Variants in PUM1 observed in about 807,000 individuals in gnomAD.
The protein encoded by PUM1 is pumilio RNA binding family member 1.
In PUM1, 13 loss-of-function variants were observed where a neutral mutation model predicts 131.8. The ratio of observed to expected loss-of-function variants is 0.10; its 90% CI spans 0.06 to 0.16. The LOEUF (loss-of-function observed/expected upper bound fraction) is 0.16. PUM1 is among the 10% of genes least tolerant of loss of function. The pLI, the probability that PUM1 is intolerant of heterozygous loss-of-function variation, is 1.00. For synonymous variants in PUM1, 509 were observed against 556.5 expected (o/e 0.91, Z 1.20); for missense variants, 961 against 1,512.4 (o/e 0.64, Z 6.05).
At chr1:31,001,116 G>A (rs1385245104) in intron 5 of PUM1, among the ~76,000 whole-genome samples, 3 of 152,124 alleles carry the variant, frequency 2.0e-5, no homozygotes, top group Admixed American at 6.5e-5. Context: ...CCCGGGAGGC[G>A]GAGCTTGCAG....
intron 21 of PUM1, chr1:30,935,853 C>T (rs957491869): frequency 4.4e-5 from 15 of 342,618 alleles, no homozygotes; most frequent in Non-Finnish European, 7.3e-5. Context: ...TGAGAAGCAC[C>T]GGAGGCTGGA....
intron 2 of PUM1, among the ~76,000 whole-genome samples, chr1:31,057,536 C>T (rs1165390650): frequency 6.6e-6 from 1 of 151,402 alleles, no homozygotes; most frequent in Non-Finnish European, 1.5e-5. Flanking sequence ...ACCAGCCCGG[C>T]CAACATGGTG....
In PUM1 at chr1:31,050,447, G is replaced by A. The variant is rs561457354; in HGVS notation, c.363+8757C>T. On this transcript the variant is annotated intron_variant, in intron 2 of 21. Coordinates refer to ENST00000426105, the MANE Select transcript of PUM1 (RefSeq NM_001020658.2). ...TTCAGTGAGCCTAGATAGTGCCAGT[G>A]GGTGACAAAGTGAGACTCTGTCTCA... Among the ~76,000 whole-genome samples the A allele has an allele frequency of 8.3e-4, 126 of 151,718 alleles. 2 individuals carry two copies. The highest frequency in any genetic ancestry group is 8.4e-4 in the South Asian group (4 of 4,784).
At chr1:31,051,813 A>C (rs1644116295) in intron 2 of PUM1, among the ~76,000 whole-genome samples, 1 of 152,054 alleles carries the variant, frequency 6.6e-6, no homozygotes, top group South Asian at 2.1e-4. Flanking sequence ...AGTTCAACCA[A>C]TCGACTTTAA....
intron 14 of PUM1, among the ~76,000 whole-genome samples, chr1:30,957,400 C>T (rs1570129121): frequency 2.0e-5 from 3 of 152,056 alleles, no homozygotes; most frequent in Non-Finnish European, 2.9e-5. Context: ...ATGTGCTTTC[C>T]GATTCACAAT....
chr1:30,983,558 C>CAGTA (rs1441758641), intron 7 of PUM1, among the ~76,000 whole-genome samples: 1 of 152,092 alleles, frequency 6.6e-6, no homozygotes, highest in African/African-American at 2.4e-5. Flanking sequence ...TAACCAAAAA[C>CAGTA]AGTAGTCCAC....
chr1:30,953,902 G>A lies in PUM1; in HGVS notation c.2403C>T (p.Ala801=). 6.2e-7 allele frequency: 1 copy of A among 1,614,226 alleles called. No individual in the cohort carries two copies. The highest frequency in any genetic ancestry group is 8.5e-7 in the Non-Finnish European group (1 of 1,180,042). ...AEAKYRSASS[A]SSLFSPSSTL... ...TGCTGCTCGGGCTGAAGAGGCTGGAGGCGCTGCTTGCACTGCGGTACTTGG... is the reference window on the plus strand; with the variant it reads ...TGCTGCTCGGGCTGAAGAGGCTGGAAGCGCTGCTTGCACTGCGGTACTTGG... Residue 801 remains alanine (A), a synonymous_variant, in exon 15 of 22, where the codon GCC becomes GCT. Transcript: ENST00000426105.
At chr1:30,945,208 TG>T (rs1413109353) in intron 18 of PUM1, 137 bp downstream of exon 18, 1 of 974,706 alleles carries the variant, frequency 1.0e-6, no homozygotes, top group Non-Finnish European at 1.5e-6. Flanking sequence ...CACTCCAGCC[TG>T]GGCAACAGAG....
intron 13 of PUM1, among the ~76,000 whole-genome samples, chr1:30,965,582 C>T (rs1414435420): frequency 6.6e-6 from 1 of 152,196 alleles, no homozygotes; most frequent in Non-Finnish European, 1.5e-5. Flanking sequence ...CTGAAGAAAA[C>T]TTGTAACTCT....
chr1:30,933,716 C>G (rs553202392), intron 21 of PUM1, among the ~76,000 whole-genome samples: 84 of 152,330 alleles, frequency 5.5e-4, no homozygotes, highest in African/African-American at 1.8e-3. Context: ...TCCCTGCAAG[C>G]ATGAGCACAG....
intron 3 of PUM1, among the ~76,000 whole-genome samples, chr1:31,021,219 T>C (rs1183623226): frequency 1.3e-5 from 2 of 152,222 alleles, no homozygotes; most frequent in Admixed American, 6.5e-5. Context: ...AGCTAATGAA[T>C]AGCTTTTAAA....
intron 2 of PUM1, among the ~76,000 whole-genome samples, chr1:31,037,618 G>A (rs1643654835): frequency 6.6e-6 from 1 of 152,074 alleles, no homozygotes; most frequent in African/African-American, 2.4e-5. Flanking sequence ...TACTCAGCAG[G>A]CTGAGGCAGG....
intron 21 of PUM1, among the ~76,000 whole-genome samples, chr1:30,933,572 A>C (rs1639069782): frequency 6.6e-6 from 1 of 151,868 alleles, no homozygotes; most frequent in Admixed American, 6.6e-5. Flanking sequence ...AGGAGCTCCT[A>C]CCCTGAGTGG....
At chr1:30,955,980 G>T (rs562684107) in intron 14 of PUM1, among the ~76,000 whole-genome samples, 4 of 152,328 alleles carry the variant, frequency 2.6e-5, no homozygotes, top group South Asian at 4.1e-4. Context: ...TCCCATTTAT[G>T]TAACAGAAAA....
chr1:31,003,641 C>T (rs1389791785), intron 5 of PUM1, among the ~76,000 whole-genome samples: 1 of 152,138 alleles, frequency 6.6e-6, no homozygotes, highest in East Asian at 1.9e-4. Context: ...TCTGTAATCT[C>T]AGCTACTCAG....
intron 1 of PUM1, among the ~76,000 whole-genome samples, chr1:31,060,582 T>A (rs1644345996): frequency 6.6e-6 from 1 of 151,994 alleles, no homozygotes; most frequent in Non-Finnish European, 1.5e-5. Flanking sequence ...TTTGAAAGGA[T>A]CCCTTAAAGT....
intron 8 of PUM1, 23 bp from the exon 9 acceptor site, chr1:30,980,186 T>C: frequency 6.3e-7 from 1 of 1,595,878 alleles, no homozygotes; most frequent in East Asian, 2.2e-5. Context: ...TACCTGTCAG[T>C]AAAAACAAAC....
At chr1:31,005,286 A>C (rs1557581503) in intron 5 of PUM1, among the ~76,000 whole-genome samples, 2 of 152,252 alleles carry the variant, frequency 1.3e-5, no homozygotes, top group Non-Finnish European at 2.9e-5. Flanking sequence ...AATCAAAAAA[A>C]TTTGTAAGAA....
chr1:30,968,277 T>G (rs1037178676), intron 11 of PUM1, 77 bp downstream of exon 11: 2 of 1,580,620 alleles, frequency 1.3e-6, no homozygotes, highest in Non-Finnish European at 1.7e-6. Context: ...AAAGCACTGC[T>G]CATTCCCCTC....
Sources: allele counts gnomAD v4.1 joint callset (sites outside exome capture counted in the v4.1 genomes callset), GRCh38; gene constraint gnomAD v4.1.1; transcripts MANE v1.5; gene names NCBI Gene and HGNC (gene_info 2026-07-23, HGNC 2026-07-21).